The following FGD4 variants were observed in gnomAD, a reference collection of about 807,000 sequenced individuals.
FGD4 encodes the protein FYVE, RhoGEF and PH domain containing 4.
Under a neutral mutation model 102.0 loss-of-function variants are expected in FGD4, and 42 were observed. The ratio of observed to expected loss-of-function variants is 0.41; its 90% confidence interval spans 0.32 to 0.53. The LOEUF is 0.53. FGD4 is among the 20% of genes least tolerant of loss of function. FGD4 has a pLI of 0.21. For missense variants in FGD4, 902 were observed against 1,078.2 expected (o/e 0.84, Z 2.29); for synonymous variants, 380 against 375.7 (o/e 1.01, Z -0.13).
In FGD4 at chr12:32,643,585, T is replaced by A. The variant is rs1293331663; in HGVS notation, c.*3052T>A. On this transcript the variant is annotated 3_prime_UTR_variant, in exon 17 of 17. Coordinates refer to ENST00000534526, the MANE Select transcript of FGD4 (RefSeq NM_001370298.3). ...CACTAGGTGACTTAACTTACCCCAA[T>A]TTTTTTAAAAATTATTAAACTTTTT... The A allele has an allele frequency of 5.3e-5, 8 of 152,010 alleles. No individual in the cohort carries two copies. Among genetic ancestry groups the A allele is most frequent in the Non-Finnish European group, 1.2e-4 (8 of 67,934 alleles). The allele number at this position is 152,010 out of a possible 1,614,324, so 9.4% of individuals were successfully genotyped here.
chr12:32,573,341 C>T (rs1945841122), intron 2 of FGD4, among the ~76,000 whole-genome samples: 1 of 151,516 alleles, frequency 6.6e-6, no homozygotes, highest in African/African-American at 2.4e-5. Flanking sequence ...ATGATCCGCC[C>T]GCCTTGGCCT....
intron 1 of FGD4, among the ~76,000 whole-genome samples, chr12:32,514,795 T>C (rs1939733276): frequency 1.3e-5 from 2 of 152,236 alleles, no homozygotes; most frequent in African/African-American, 2.4e-5. Context: ...GCAGATTGTT[T>C]ACTAAACATT....
chr12:32,502,657 C>T (rs536691706), intron 1 of FGD4, among the ~76,000 whole-genome samples: 2 of 152,148 alleles, frequency 1.3e-5, no homozygotes, highest in South Asian at 4.1e-4. Context: ...TGAAATACGC[C>T]CATGGCCCCA....
intron 1 of FGD4, 97 bp from the exon 2 acceptor site, chr12:32,564,040 G>A (rs182059073): frequency 4.5e-5 from 50 of 1,103,906 alleles, no homozygotes; most frequent in Admixed American, 3.0e-4. Flanking sequence ...AGGGGGAGGG[G>A]GAGGGAGAGG....
chr12:32,410,931 CTTTT>C (rs747780109), intron 1 of FGD4, among the ~76,000 whole-genome samples: 4 of 126,908 alleles, frequency 3.2e-5, no homozygotes, highest in African/African-American at 1.2e-4. Flanking sequence ...TTTTTTTTTT[CTTTT>C]TTTTTTTTTT....
At chr12:32,626,459 A>G (rs1950180174) in intron 14 of FGD4, among the ~76,000 whole-genome samples, 1 of 151,896 alleles carries the variant, frequency 6.6e-6, no homozygotes, top group African/African-American at 2.4e-5. Flanking sequence ...AAAAAAAAAA[A>G]AAAAAAGGGG....
intron 2 of FGD4, chr12:32,574,871 A>T (rs1400614980): frequency 6.6e-6 from 1 of 152,194 alleles, no homozygotes; most frequent in Non-Finnish European, 1.5e-5. Context: ...TCCAGAAGGT[A>T]AGAAAAGGAT....
intron 2 of FGD4, among the ~76,000 whole-genome samples, chr12:32,572,698 T>A (rs1181078293): frequency 6.6e-6 from 1 of 152,240 alleles, no homozygotes; most frequent in Non-Finnish European, 1.5e-5. Flanking sequence ...TTGATAAAAT[T>A]GTAATTTCTT....
chr12:32,562,992 G>A (rs1270770490), intron 1 of FGD4, among the ~76,000 whole-genome samples: 5 of 151,972 alleles, frequency 3.3e-5, no homozygotes, highest in South Asian at 4.1e-4. Context: ...AGGGGCGGCC[G>A]GGCAGAGGTG....
intron 14 of FGD4, 24 bp from the exon 15 acceptor site, chr12:32,633,525 G>A (rs1465296835): frequency 3.1e-6 from 5 of 1,604,056 alleles, no homozygotes; most frequent in South Asian, 1.1e-5. Context: ...TATGATTACT[G>A]TTCATTTTTC....
intron 1 of FGD4, among the ~76,000 whole-genome samples, chr12:32,455,203 G>A (rs886819952): frequency 6.6e-6 from 1 of 152,134 alleles, no homozygotes; most frequent in African/African-American, 2.4e-5. Flanking sequence ...TGTGAATGAG[G>A]ATTTAGCAGC....
At chr12:32,622,629 G>T (rs910560621) in intron 11 of FGD4, among the ~76,000 whole-genome samples, 1 of 152,168 alleles carries the variant, frequency 6.6e-6, no homozygotes, top group African/African-American at 2.4e-5. Context: ...TTTTGCTCTT[G>T]TTACCCAGGC....
rs201915829 is a variant in FGD4, at chr12:32,601,318, C to T, written c.1142C>T (p.Ser381Leu). The change falls in exon 6 of 17, where the codon TCG becomes TTG. Residue 381 changes from serine to leucine, a missense_variant. Transcript: ENST00000534526. ...CTGTTGGAAGAAGCAAACCGAGGCT[C>T]GTTTCCAGCAGAGATGGTGAATAAA... Reference protein sequence around the residue: ...CKLLEEANRGSFPAEMVNKIF... With the variant: ...CKLLEEANRGLFPAEMVNKIF... The T allele has an allele frequency of 8.2e-5, 132 of 1,614,120 alleles. No homozygotes were observed. The highest frequency in any genetic ancestry group is 6.7e-4 in the East Asian group (30 of 44,862).
intron 1 of FGD4, among the ~76,000 whole-genome samples, chr12:32,532,427 C>A (rs532126849): frequency 6.6e-6 from 1 of 152,172 alleles, no homozygotes; most frequent in East Asian, 1.9e-4. Flanking sequence ...TTCTCTTCTG[C>A]AAAATGGTGA....
chr12:32,487,172 C>T (rs1943934067), intron 1 of FGD4, among the ~76,000 whole-genome samples: 1 of 152,126 alleles, frequency 6.6e-6, no homozygotes, highest in African/African-American at 2.4e-5. Flanking sequence ...GTGAGAAGAA[C>T]ATGAATTTGT....
intron 1 of FGD4, among the ~76,000 whole-genome samples, chr12:32,463,140 G>T (rs1055128481): frequency 1.3e-5 from 2 of 152,226 alleles, no homozygotes; most frequent in African/African-American, 4.8e-5. Flanking sequence ...TTATAACTTG[G>T]TGTGTATGAT....
intron 1 of FGD4, among the ~76,000 whole-genome samples, chr12:32,418,964 C>T (rs1049368075): frequency 2.0e-5 from 3 of 152,192 alleles, no homozygotes; most frequent in Admixed American, 6.5e-5. Flanking sequence ...CCCCTTTCCA[C>T]GGGCAGAAGA....
chr12:32,544,561 G>A lies in FGD4; in HGVS notation c.167-19576G>A, dbSNP rs1050217391. ...AGCCTGGTCAGTATGGTGAAATCCC[G>A]TCTCTACAAAAAAATACAAAAATGA... On this transcript the variant is annotated intron_variant, in intron 1 of 16. Transcript: ENST00000534526. This position sits in a 1 kb window ranked among gnomAD's most constrained non-coding sequence, Gnocchi z 4.1. Among the ~76,000 whole-genome samples the A allele has an allele frequency of 9.9e-5, 15 of 151,626 alleles. No homozygotes were observed. Among genetic ancestry groups the A allele is most frequent in the East Asian group, 3.9e-4 (2 of 5,138 alleles).
intron 1 of FGD4, among the ~76,000 whole-genome samples, chr12:32,422,036 C>T (rs376998904): frequency 3.3e-5 from 5 of 150,152 alleles, no homozygotes; most frequent in East Asian, 2.0e-4. Context: ...CCCAGCTACT[C>T]GGGAGGCTGA....
Sources: gnomAD v4.1 joint callset for allele counts (sites outside exome capture counted in the v4.1 genomes callset) on GRCh38, gnomAD v4.1.1 for gene constraint, Gnocchi (gnomAD v3.1) non-coding constraint, MANE v1.5 for transcripts, NCBI Gene and HGNC (gene_info 2026-07-23, HGNC 2026-07-21) for gene names.